PTRH1: variants seen among roughly 807,000 people sequenced by gnomAD.
PTRH1 encodes the protein peptidyl-tRNA hydrolase.
Under a neutral mutation model 15.7 loss-of-function variants are expected in PTRH1, and 13 were observed. That is an observed-to-expected ratio of 0.83 (90% CI 0.54 to 1.31). The LOEUF (loss-of-function observed/expected upper bound fraction) is 1.31. Ranked by LOEUF, PTRH1 falls within the 40% of genes most tolerant of loss-of-function variation. The probability of loss-of-function intolerance (pLI) is 0.00; values close to 1 mark genes in which losing one functional copy is unlikely to be tolerated. For synonymous variants in PTRH1, 139 were observed against 136.7 expected (o/e 1.02, Z -0.12); for missense variants, 319 against 296.2 (o/e 1.08, Z -0.56).
intron 2 of PTRH1, 34 bp downstream of exon 2, chr9:127,714,941 G>GGCCCCCCCCCC: frequency 6.0e-5 from 27 of 446,366 alleles, no homozygotes; most frequent in South Asian, 1.1e-4. Context: ...CACCCCCTTG[G>GGCCCCCCCCCC]CCCGCCCGCC....
chr9:127,701,656 T>C (rs1842604201), intron 1 of PTRH1, among the ~76,000 whole-genome samples: 1 of 152,220 alleles, frequency 6.6e-6, no homozygotes, highest in Admixed American at 6.5e-5. Context: ...CTCACGCCTG[T>C]AATCCCAGCA....
chr9:127,712,677 T>A, downstream of PTRH1: 1 of 1,613,960 alleles, frequency 6.2e-7, no homozygotes, highest in Non-Finnish European at 8.5e-7. Flanking sequence ...GGGGCCACTG[T>A]GGGCCTGCTG....
intron 1 of PTRH1, among the ~76,000 whole-genome samples, chr9:127,702,704 CATT>C (rs1221003853): frequency 6.6e-6 from 1 of 151,654 alleles, no homozygotes; most frequent in Non-Finnish European, 1.5e-5. Context: ...CAACGTTTGT[CATT>C]ATTTTTCTTT....
At chr9:127,695,020 C>T (rs765577632) in exon 2 of PTRH1, 14 of 702,480 alleles carry the variant, frequency 2.0e-5, no homozygotes, top group African/African-American at 8.8e-5. Context: ...AAGCTGAGCC[C>T]GGCTCCCAGG....
rs761999379 is a variant in PTRH1, at chr9:127,714,695, C to A, written c.324G>T (p.Leu108=). The A allele has an allele frequency of 6.2e-7, 1 of 1,611,986 alleles. No homozygotes were observed. The highest frequency in any genetic ancestry group is 2.2e-5 in the East Asian group (1 of 44,736). The change falls in exon 3 of 5, where the codon CTG becomes CTT. Residue 108 remains leucine (L), a synonymous_variant. Coordinates refer to ENST00000543175, the MANE Select transcript of PTRH1 (RefSeq NM_001002913.3). ...AGACTTCCTCGGCAGTCAGCCCAAA[C>A]AGCTCCGCTTAGCACAGGGAAACGG... The part of the protein sequence containing the change: ...NGRSVARAAE[L]FGLTAEEVYL...
chr9:127,694,529 C>T (rs1275213047), intron 2 of PTRH1, among the ~76,000 whole-genome samples: 1 of 152,118 alleles, frequency 6.6e-6, no homozygotes, highest in African/African-American at 2.4e-5. Flanking sequence ...GGCCAAAGCC[C>T]TGGTCCTCCT....
Position 127,707,048 on chromosome 9 carries a change from G to A in PTRH1, c.205+8387C>T, listed in dbSNP as rs753340800. ...CCATCAGCCATGGCTCCCAAAAAGA[G>A]TGTGAGCAAGGCAGGCAAGGAGCTT... On this transcript the variant is annotated intron_variant, in intron 1 of 2. Coordinates refer to the PTRH1 transcript ENST00000335223. 3.1e-6 allele frequency: 5 copies of A among 1,613,966 alleles called. No individual in the cohort carries two copies. Among genetic ancestry groups the A allele is most frequent in the African/African-American group, 1.3e-5 (1 of 75,076 alleles).
At chr9:127,695,378 G>T (rs767270870) in intron 1 of PTRH1, 3 of 494,712 alleles carry the variant, frequency 6.1e-6, no homozygotes, top group Non-Finnish European at 1.1e-5. Flanking sequence ...CAATGTTGCA[G>T]GCTGAAAGAG....
In PTRH1 at chr9:127,713,874, G is replaced by T; in HGVS notation, c.*226C>A. 1.2e-6 allele frequency: 2 copies of T among 1,613,968 alleles called. No individual in the cohort carries two copies. The highest frequency in any genetic ancestry group is 2.2e-5 in the South Asian group (2 of 91,086). The stretch of plus-strand genomic sequence containing the variant: ...TCTCTAAAAAGGCTTGAAAAGTTTA[G>T]TCTTCCTGAAGTTCCCCTACGTCCC... On this transcript the variant is annotated 3_prime_UTR_variant, in exon 5 of 5. Coordinates refer to ENST00000543175, the MANE Select transcript of PTRH1 (RefSeq NM_001002913.3).
chr9:127,699,323 GAACCGACACTCGAGGCCGA>G (rs1842586133), intron 1 of PTRH1, among the ~76,000 whole-genome samples: 1 of 152,220 alleles, frequency 6.6e-6, no homozygotes, highest in Non-Finnish European at 1.5e-5. Flanking sequence ...AACCAACGCG[GAACCGACACTCGAGGCCGA>G]AACACTGTGA....
At chr9:127,698,611 A>C (rs1206320793) in intron 1 of PTRH1, among the ~76,000 whole-genome samples, 2 of 152,154 alleles carry the variant, frequency 1.3e-5, no homozygotes, top group African/African-American at 4.8e-5. Context: ...CAGGAGGTCA[A>C]GGCTGCAGCG....
intron 1 of PTRH1, among the ~76,000 whole-genome samples, chr9:127,707,348 C>G (rs905741190): frequency 6.6e-6 from 1 of 152,216 alleles, no homozygotes; most frequent in African/African-American, 2.4e-5. Flanking sequence ...TTTCCTCATA[C>G]GTACCTTTGG....
At chr9:127,711,524 A>G, downstream of PTRH1, 1 of 1,601,606 alleles carries the variant, frequency 6.2e-7, no homozygotes, top group Non-Finnish European at 8.5e-7. Flanking sequence ...AGCACAGGGC[A>G]TTTGGCATGC....
At chr9:127,714,939 T>TGGGGGG in intron 2 of PTRH1, 36 bp downstream of exon 2, 4 of 407,858 alleles carry the variant, frequency 9.8e-6, no homozygotes, top group Non-Finnish European at 1.8e-5. Context: ...CCCACCCCCT[T>TGGGGGG]GGCCCGCCCG....
At chr9:127,710,803 G>T (rs1382840753), downstream of PTRH1, 2 of 1,543,528 alleles carry the variant, frequency 1.3e-6, no homozygotes, top group African/African-American at 2.7e-5. Flanking sequence ...TCATCCCTGG[G>T]GCTACGAACA....
downstream of PTRH1, chr9:127,713,468 A>C: frequency 2.7e-6 from 1 of 365,868 alleles, no homozygotes; most frequent in Non-Finnish European, 4.8e-6. Flanking sequence ...CCCCCTGAAG[A>C]GGCCTCAGCT....
chr9:127,699,061 T>C (rs1354927418), intron 1 of PTRH1, among the ~76,000 whole-genome samples: 1 of 152,068 alleles, frequency 6.6e-6, no homozygotes, highest in African/African-American at 2.4e-5. Context: ...TTTGTATTTT[T>C]AGTAGAGATA....
intron 1 of PTRH1, among the ~76,000 whole-genome samples, chr9:127,701,669 T>C (rs571317734): frequency 6.6e-6 from 1 of 152,170 alleles, no homozygotes; most frequent in African/African-American, 2.4e-5. Flanking sequence ...TCCCAGCACT[T>C]TGGGAGGCCA....
intron 1 of PTRH1, among the ~76,000 whole-genome samples, chr9:127,704,750 T>G (rs912829009): frequency 6.6e-6 from 1 of 152,030 alleles, no homozygotes; most frequent in African/African-American, 2.4e-5. Flanking sequence ...ATTAACTGCC[T>G]CTTTTATTGG....
Sources: allele counts gnomAD v4.1 joint callset (sites outside exome capture counted in the v4.1 genomes callset), GRCh38; gene constraint gnomAD v4.1.1; transcripts MANE v1.5; gene names NCBI Gene and HGNC (gene_info 2026-07-23, HGNC 2026-07-21).